Variants in STX3 observed in about 807,000 individuals in gnomAD.
STX3 encodes syntaxin-3.
STX3 carries 19 observed loss-of-function variants against 40.2 expected under a neutral mutation model. The ratio of observed to expected loss-of-function variants is 0.47; its 90% confidence interval spans 0.33 to 0.69. The LOEUF (loss-of-function observed/expected upper bound fraction) is 0.69. STX3 is among the 30% of genes least tolerant of loss of function. The pLI is 0.02. For synonymous variants in STX3, 122 were observed against 132.2 expected, an observed-to-expected ratio of 0.92 and a Z score of 0.53; for missense variants, 364 against 366.7, an observed-to-expected ratio of 0.99 and a Z score of 0.06.
At chr11:59,793,040 T>C in intron 6 of STX3, 59 bp from the exon 7 acceptor site, 3 of 1,564,310 alleles carry the variant, frequency 1.9e-6, no homozygotes, top group Non-Finnish European at 2.6e-6. Context: ...TCAGGGTCCT[T>C]ATCAGATGGT....
At chr11:59,771,523 G>A (rs1164585675) in intron 1 of STX3, among the ~76,000 whole-genome samples, 1 of 151,886 alleles carries the variant, frequency 6.6e-6, no homozygotes, top group African/African-American at 2.4e-5. Flanking sequence ...GGGAGCTTAG[G>A]GAGGTTTTAA....
At chr11:59,800,206 C>T (rs1865796230) in intron 10 of STX3, 1 of 985,362 alleles carries the variant, frequency 1.0e-6, no homozygotes. Flanking sequence ...TGATTGTTGC[C>T]TAGGTCTGGA....
intron 1 of STX3, among the ~76,000 whole-genome samples, chr11:59,763,609 A>G (rs1863145057): frequency 6.6e-6 from 1 of 152,238 alleles, no homozygotes; most frequent in African/African-American, 2.4e-5. Flanking sequence ...ATACAATTAG[A>G]AATTAATACA....
At chr11:59,778,993 A>G (rs1864180675) in intron 2 of STX3, among the ~76,000 whole-genome samples, 1 of 151,964 alleles carries the variant, frequency 6.6e-6, no homozygotes, top group South Asian at 2.1e-4. Context: ...ATCCACAACA[A>G]TGCCCAGCTA....
At chr11:59,768,047 T>C (rs976495315) in intron 1 of STX3, among the ~76,000 whole-genome samples, 1 of 152,220 alleles carries the variant, frequency 6.6e-6, no homozygotes, top group African/African-American at 2.4e-5. Flanking sequence ...TGCTCTACAT[T>C]GCATAGGGAA....
chr11:59,772,974 A>AAACACACACACACACACACACACACACAC (rs1554996770), intron 1 of STX3, among the ~76,000 whole-genome samples: 1 of 140,588 alleles, frequency 7.1e-6, no homozygotes, highest in African/African-American at 2.6e-5. Context: ...CCCTGAAAGA[A>AAACACACACACACACACACACACACACAC]ACACACACAC....
In STX3 at chr11:59,792,122, C is replaced by T. The variant is rs199896680; in HGVS notation, c.373C>T (p.Arg125Trp). 3.5e-5 allele frequency: 56 copies of T among 1,613,878 alleles called. No individual in the cohort carries two copies. Among genetic ancestry groups the T allele is most frequent in the East Asian group, 2.9e-4 (13 of 44,886 alleles). Residue 125 changes from arginine (R) to tryptophan (W), a missense_variant, in exon 6 of 11, where the codon CGG (arginine) becomes TGG (tryptophan). Physicochemically the swap from Arg to Trp is moderately radical, Grantham distance 101 (BLOSUM62 -3). Coordinates refer to ENST00000337979, the MANE Select transcript of STX3 (RefSeq NM_004177.5). ...CATCCCACAGCACTCTGTCCTTTCT[C>T]GGAAGTTTGTGGAGGTGATGACCAA... is the stretch of plus-strand genomic sequence containing the variant. ...IRKSQHSVLS[R>W]KFVEVMTKYN...
In STX3 at chr11:59,805,441, A is replaced by C. The variant is rs182724619; in HGVS notation, c.*4617A>C. On this transcript the variant is annotated 3_prime_UTR_variant, in exon 11 of 11. Coordinates refer to ENST00000337979, the MANE Select transcript of STX3 (RefSeq NM_004177.5). Reference sequence around the variant, plus strand: ...TATTTTTTAAGAAAGTGGGATTAAAAATATTTTGGTCAGTGCTGTTTTCTA... The same window carrying C: ...TATTTTTTAAGAAAGTGGGATTAAACATATTTTGGTCAGTGCTGTTTTCTA... 1.4e-4 allele frequency: 21 copies of C among 152,290 alleles called. No homozygotes were observed. The highest frequency in any genetic ancestry group is 5.1e-4 in the African/African-American group (21 of 41,538). The allele number at this position is 152,290 out of a possible 1,614,324, so 9.4% of individuals were successfully genotyped here.
intron 2 of STX3, chr11:59,781,335 C>T (rs530887467): frequency 2.0e-5 from 32 of 1,587,326 alleles, no homozygotes; most frequent in Middle Eastern, 2.1e-4. Context: ...TTCATAGATC[C>T]GAGTACAGGT....
At chr11:59,785,850 C>A (rs991262729) in intron 2 of STX3, among the ~76,000 whole-genome samples, 7 of 152,174 alleles carry the variant, frequency 4.6e-5, no homozygotes, top group African/African-American at 1.7e-4. Context: ...AGCAGATAGA[C>A]CCTACAGGTG....
intron 3 of STX3, 87 bp from the exon 4 acceptor site, chr11:59,788,786 T>G: frequency 8.8e-7 from 1 of 1,133,648 alleles, no homozygotes; most frequent in Non-Finnish European, 1.3e-6. Context: ...CCGATAAAGC[T>G]CCCCTCCTCT....
At position 59,793,501 on chromosome 11, in the gene STX3, T is replaced by C. The variant is rs1231279355; in HGVS notation, c.662T>C (p.Leu221Pro). The stretch of plus-strand genomic sequence containing the variant: ...GACATGTTTATGGACATCGCCATGC[T>C]GGTGGAGAATCAGGTAAGTGGCAGT... ...LHDMFMDIAM[L>P]VENQGEMLDN... The change falls in exon 8 of 11, where the codon CTG becomes CCG. Residue 221 changes from leucine to proline, a missense_variant. By Grantham distance (98) the Leu-to-Pro change is moderately conservative (BLOSUM62 -3). Transcript: ENST00000337979. 1.2e-6 allele frequency: 2 copies of C among 1,613,312 alleles called. No homozygotes were observed. Among genetic ancestry groups the C allele is most frequent in the Non-Finnish European group, 8.5e-7 (1 of 1,179,598 alleles).
intron 1 of STX3, among the ~76,000 whole-genome samples, chr11:59,764,158 G>T (rs916175758): frequency 6.6e-6 from 1 of 152,162 alleles, no homozygotes; most frequent in South Asian, 2.1e-4. Context: ...AGCACATGAG[G>T]TAAATGCCAA....
chr11:59,793,225 A>G (rs1205328906), intron 7 of STX3, 53 bp downstream of exon 7: 5 of 1,608,632 alleles, frequency 3.1e-6, no homozygotes, highest in Non-Finnish European at 3.4e-6. Context: ...CAGGGAGGCC[A>G]CTGCGGAGCT....
intron 1 of STX3, among the ~76,000 whole-genome samples, chr11:59,765,108 T>G (rs975535372): frequency 2.0e-5 from 3 of 152,134 alleles, no homozygotes; most frequent in Admixed American, 6.5e-5. Context: ...TGAGGCTCAC[T>G]TAGGATATCA....
At chr11:59,781,625 C>T in intron 2 of STX3, 1 of 1,613,570 alleles carries the variant, frequency 6.2e-7, no homozygotes, top group Non-Finnish European at 8.5e-7. Flanking sequence ...CCATTTTTCG[C>T]AAAGCTATTC....
chr11:59,795,578 A>G (rs1464676687), intron 9 of STX3, 96 bp downstream of exon 9: 1 of 1,545,706 alleles, frequency 6.5e-7, no homozygotes, highest in Admixed American at 2.0e-5. Context: ...TTCTGCTGCC[A>G]CCACCTCTTG....
At chr11:59,782,367 T>C (rs7952024) in intron 2 of STX3, among the ~76,000 whole-genome samples, 15,835 of 152,308 alleles carry the variant, frequency 0.1, 1,157 homozygotes, top group African/African-American at 0.2. Context: ...GTAAATGCAC[T>C]GCATAGTACC....
At chr11:59,765,053 C>G (rs1247074504) in intron 1 of STX3, among the ~76,000 whole-genome samples, 1 of 152,112 alleles carries the variant, frequency 6.6e-6, no homozygotes, top group Non-Finnish European at 1.5e-5. Flanking sequence ...AGGGCTAATT[C>G]TTTCCTCAAG....
Sources: gnomAD v4.1 joint callset for allele counts (sites outside exome capture counted in the v4.1 genomes callset) on GRCh38, gnomAD v4.1.1 for gene constraint, MANE v1.5 for transcripts, NCBI Gene and HGNC (gene_info 2026-07-23, HGNC 2026-07-21) for gene names.